Variants in TENT4A observed in about 807,000 individuals in gnomAD.
TENT4A encodes the protein terminal nucleotidyltransferase 4A.
TENT4A carries 7 observed loss-of-function variants against 72.8 expected under a neutral mutation model. The ratio of observed to expected loss-of-function variants is 0.10; its 90% CI spans 0.05 to 0.18. The LOEUF (loss-of-function observed/expected upper bound fraction) is 0.18, where lower values mean the gene tolerates loss of function less well. Ranked by LOEUF, TENT4A falls within the 10% of genes least tolerant of loss-of-function variation. The pLI is 1.00. For synonymous variants in TENT4A, 456 were observed against 434.3 expected, an observed-to-expected ratio of 1.05 and a Z score of -0.62; for missense variants, 831 against 1,017.7, an observed-to-expected ratio of 0.82 and a Z score of 2.50.
chr5:6,731,347 A>G (rs965383889), intron 1 of TENT4A, among the ~76,000 whole-genome samples: 2 of 152,194 alleles, frequency 1.3e-5, no homozygotes, highest in African/African-American at 4.8e-5. Flanking sequence ...CAGTTTGTCA[A>G]ATCACTTTTT....
At chr5:6,728,745 A>C (rs1741065733) in intron 1 of TENT4A, among the ~76,000 whole-genome samples, 1 of 152,186 alleles carries the variant, frequency 6.6e-6, no homozygotes. Context: ...AGAAGACTTA[A>C]GACGGGCACA....
rs1042262878 is a variant in TENT4A at position 6,745,107 on chromosome 5, TTGAC to T, written c.1246-1105_1246-1102del. ...GTGACTGTGGCAGCATCTGAGTTTC[TTGAC>T]TAAGTGAGGGGAGGAGGCCCACCCT... On this transcript the variant is annotated intron_variant, in intron 6 of 12. Coordinates refer to ENST00000230859, the MANE Select transcript of TENT4A (RefSeq NM_006999.6). Among the ~76,000 whole-genome samples, 24 of 152,178 alleles carry T rather than the reference TTGAC, an allele frequency of 1.6e-4. 1 individual carries two copies. Among genetic ancestry groups the T allele is most frequent in the Non-Finnish European group, 1.5e-5 (1 of 68,026 alleles).
At chr5:6,743,583 G>A (rs751944335) in intron 5 of TENT4A, 129 bp from the exon 6 acceptor site, 30 of 703,940 alleles carry the variant, frequency 4.3e-5, no homozygotes, top group Admixed American at 4.1e-4. Context: ...GAGACTTAAT[G>A]ACTGAGAGCC....
At chr5:6,745,874 AC>A (rs1227421975) in intron 6 of TENT4A, 3 of 405,718 alleles carry the variant, frequency 7.4e-6, no homozygotes, top group African/African-American at 6.4e-5. Context: ...ATCTGAAATT[AC>A]ATCTACCATC....
chr5:6,725,097 G>A (rs1740843458), intron 1 of TENT4A, among the ~76,000 whole-genome samples: 3 of 152,202 alleles, frequency 2.0e-5, no homozygotes, highest in East Asian at 1.9e-4. Flanking sequence ...CAAGGAGGGC[G>A]GATCACAAGT....
chr5:6,746,792 T>C (rs1415658620), intron 7 of TENT4A, among the ~76,000 whole-genome samples: 1 of 152,250 alleles, frequency 6.6e-6, no homozygotes, highest in Non-Finnish European at 1.5e-5. Context: ...CTCCACTTTT[T>C]CCCTATATGG....
intron 4 of TENT4A, among the ~76,000 whole-genome samples, chr5:6,741,087 G>A (rs1043670820): frequency 2.0e-4 from 30 of 152,226 alleles, no homozygotes; most frequent in African/African-American, 6.8e-4. Flanking sequence ...GAACTAAGGC[G>A]CGGCTGTCCT....
At chr5:6,718,714 C>CT (rs1175515039) in intron 1 of TENT4A, among the ~76,000 whole-genome samples, 7 of 152,246 alleles carry the variant, frequency 4.6e-5, no homozygotes, top group African/African-American at 1.7e-4. Flanking sequence ...TTGTTCCTGT[C>CT]TTTTGTTCCA....
chr5:6,750,146 G>A (rs896356238), intron 9 of TENT4A, among the ~76,000 whole-genome samples, 185 bp from the exon 10 acceptor site: 1 of 152,228 alleles, frequency 6.6e-6, no homozygotes, highest in Admixed American at 6.5e-5. Context: ...TTACAAACAT[G>A]TTTAATGTTT....
intron 4 of TENT4A, among the ~76,000 whole-genome samples, chr5:6,740,430 T>C (rs1402635178): frequency 6.6e-6 from 1 of 152,218 alleles, no homozygotes; most frequent in Non-Finnish European, 1.5e-5. Context: ...ACTTGCCTGT[T>C]GTATGACAGT....
intron 5 of TENT4A, among the ~76,000 whole-genome samples, chr5:6,743,072 G>A (rs964703998): frequency 1.3e-5 from 2 of 152,164 alleles, no homozygotes; most frequent in African/African-American, 4.8e-5. Context: ...TACAGTAGAG[G>A]CCGTGCAGTC....
intron 1 of TENT4A, among the ~76,000 whole-genome samples, chr5:6,725,048 G>A (rs1243349841): frequency 6.6e-6 from 1 of 152,246 alleles, no homozygotes; most frequent in Non-Finnish European, 1.5e-5. Flanking sequence ...CAGGCTGGGT[G>A]CAATGGCTCA....
At chr5:6,733,220 T>G (rs1741294650) in intron 1 of TENT4A, among the ~76,000 whole-genome samples, 1 of 152,234 alleles carries the variant, frequency 6.6e-6, no homozygotes, top group Non-Finnish European at 1.5e-5. Context: ...CTAAGAAGCC[T>G]CCTGGGAAAG....
At chr5:6,731,539 A>T (rs1741215962) in intron 1 of TENT4A, among the ~76,000 whole-genome samples, 1 of 148,386 alleles carries the variant, frequency 6.7e-6, no homozygotes, top group African/African-American at 2.4e-5. Context: ...TAAGGTGCTG[A>T]AACTTTTTTT....
chr5:6,739,636 G>A, intron 3 of TENT4A, 96 bp from the exon 4 acceptor site: 1 of 1,454,572 alleles, frequency 6.9e-7, no homozygotes, highest in Non-Finnish European at 9.4e-7. Context: ...CTTTGTGGGA[G>A]ACACAGGCAC....
chr5:6,748,547 G>A lies in TENT4A; in HGVS notation c.1543G>A (p.Val515Met), dbSNP rs756358277. 3.1e-6 allele frequency: 5 copies of A among 1,613,992 alleles called. No homozygotes were observed. The highest frequency in any genetic ancestry group is 1.6e-4 in the Middle Eastern group (1 of 6,062). ...TGCCTACATAGTGCTCAGCCATGCT[G>A]TGTCACCGCTGGCCAGGTCCTATCC... is the stretch of plus-strand genomic sequence containing the variant. ...DYAYIVLSHA[V>M]SPLARSYPNR... Residue 515 changes from valine to methionine, a missense_variant, in exon 8 of 13, where the codon GTG becomes ATG. By Grantham distance (21) the Val-to-Met change is conservative. This residue lies in a region of TENT4A where 197 missense variants were observed against 399.6 expected (regional missense o/e 0.49). Transcript: ENST00000230859.
intron 1 of TENT4A, among the ~76,000 whole-genome samples, chr5:6,720,118 G>A (rs1379608993): frequency 2.0e-5 from 3 of 152,198 alleles, no homozygotes; most frequent in African/African-American, 7.2e-5. Flanking sequence ...GCAAAGCAAG[G>A]TACTTTGAAT....
chr5:6,717,010 A>G (rs1166621600), intron 1 of TENT4A, among the ~76,000 whole-genome samples: 1 of 152,182 alleles, frequency 6.6e-6, no homozygotes, highest in African/African-American at 2.4e-5. Context: ...TTGGGCTGCT[A>G]TTCCAGCTAC....
chr5:6,714,459 C>A lies in TENT4A; in HGVS notation c.476C>A (p.Ala159Asp). ...AACTTCGCCGACGGCGCGCCCAGCG[C>A]CCCTGGCACAGCCAACGGGCACCCC... Reference protein sequence around the residue: ...FFNFADGAPSAPGTANGHPGP... With the variant: ...FFNFADGAPSDPGTANGHPGP... The change falls in exon 1 of 13, where the codon GCC becomes GAC. Residue 159 changes from alanine (A) to aspartate (D), a missense_variant. Ala to Asp is a moderately radical substitution (Grantham distance 126). Coordinates refer to ENST00000230859, the MANE Select transcript of TENT4A (RefSeq NM_006999.6). 2.5e-6 allele frequency: 3 copies of A among 1,179,150 alleles called. No individual in the cohort carries two copies. The highest frequency in any genetic ancestry group is 3.1e-6 in the Non-Finnish European group (3 of 954,222). 73.0% of individuals were successfully genotyped at this position (1,179,150 alleles called of 1,614,324 possible).
Sources: gnomAD v4.1 joint callset for allele counts (sites outside exome capture counted in the v4.1 genomes callset) on GRCh38, gnomAD v4.1.1 for gene constraint, gnomAD v4.1.1 regional missense constraint, MANE v1.5 for transcripts, NCBI Gene and HGNC (gene_info 2026-07-23, HGNC 2026-07-21) for gene names.